ATRNL1: variants seen among roughly 807,000 people sequenced by gnomAD.
ATRNL1 encodes the protein attractin like 1.
In ATRNL1, 95 loss-of-function variants were observed where a neutral mutation model predicts 182.7. That is an observed-to-expected ratio of 0.52 (90% confidence interval 0.44 to 0.62). The LOEUF (loss-of-function observed/expected upper bound fraction) is 0.62. ATRNL1 is among the 20% of genes least tolerant of loss of function. ATRNL1 has a pLI of 0.00. For missense variants in ATRNL1, 1,471 were observed against 1,679.5 expected (o/e 0.88, Z 2.17); for synonymous variants, 576 against 568.3 (o/e 1.01, Z -0.19).
chr10:115,443,918 G>C (rs1443963895), intron 21 of ATRNL1, among the ~76,000 whole-genome samples: 3 of 151,926 alleles, frequency 2.0e-5, no homozygotes, highest in African/African-American at 7.3e-5. Flanking sequence ...CTTCCTATTT[G>C]AGTGTATGCA....
intron 21 of ATRNL1, among the ~76,000 whole-genome samples, chr10:115,447,881 C>G (rs1357276461): frequency 2.6e-5 from 4 of 151,996 alleles, no homozygotes; most frequent in Non-Finnish European, 5.9e-5. Context: ...TAATTTTCTT[C>G]CACTTCCTCA....
chr10:115,750,775 C>G (rs1948426654), intron 27 of ATRNL1, among the ~76,000 whole-genome samples: 1 of 151,734 alleles, frequency 6.6e-6, no homozygotes, highest in Non-Finnish European at 1.5e-5. Flanking sequence ...AAAAGAAGAC[C>G]AGCAACTCTA....
intron 1 of ATRNL1, among the ~76,000 whole-genome samples, chr10:115,097,337 G>A (rs2085038667): frequency 6.6e-6 from 1 of 152,228 alleles, no homozygotes; most frequent in Non-Finnish European, 1.5e-5. Context: ...TATTTTAAAA[G>A]TAGCTGGGCA....
At chr10:115,799,741 T>C (rs1949747348) in intron 27 of ATRNL1, among the ~76,000 whole-genome samples, 1 of 152,322 alleles carries the variant, frequency 6.6e-6, no homozygotes, top group South Asian at 2.1e-4. Context: ...AATCTCATAA[T>C]AACACAACCC....
At chr10:115,200,333 C>T (rs1389981365) in intron 8 of ATRNL1, among the ~76,000 whole-genome samples, 1 of 141,672 alleles carries the variant, frequency 7.1e-6, no homozygotes, top group Non-Finnish European at 1.5e-5. Flanking sequence ...CCCATTAACT[C>T]GTCATTTAGC....
chr10:115,337,482 C>A (rs544650232), intron 19 of ATRNL1, among the ~76,000 whole-genome samples: 1 of 152,178 alleles, frequency 6.6e-6, no homozygotes, highest in East Asian at 1.9e-4. Context: ...ACCCCCTGCC[C>A]TCCAGCCCTC....
chr10:115,518,338 T>C (rs1445073924), intron 24 of ATRNL1, among the ~76,000 whole-genome samples: 1 of 151,860 alleles, frequency 6.6e-6, no homozygotes, highest in African/African-American at 2.4e-5. Flanking sequence ...TTCTATTATG[T>C]TTTTGCAACA....
chr10:115,509,089 A>C (rs1304232753), intron 24 of ATRNL1, among the ~76,000 whole-genome samples: 1 of 151,978 alleles, frequency 6.6e-6, no homozygotes, highest in Non-Finnish European at 1.5e-5. Context: ...TATGCTAAAC[A>C]TGTTCTGCCT....
intron 8 of ATRNL1, among the ~76,000 whole-genome samples, chr10:115,210,698 G>A (rs1190839099): frequency 6.6e-6 from 1 of 151,300 alleles, no homozygotes; most frequent in African/African-American, 2.4e-5. Flanking sequence ...TAATTTTTAG[G>A]ATTCCTTTTT....
intron 19 of ATRNL1, among the ~76,000 whole-genome samples, chr10:115,376,731 A>G (rs1554949644): frequency 6.6e-6 from 1 of 151,996 alleles, no homozygotes; most frequent in African/African-American, 2.4e-5. Flanking sequence ...AGATTTTTTT[A>G]AGTTTGGAAA....
At chr10:115,740,224 T>A (rs1347060320) in intron 27 of ATRNL1, among the ~76,000 whole-genome samples, 3 of 152,118 alleles carry the variant, frequency 2.0e-5, no homozygotes, top group Non-Finnish European at 4.4e-5. Flanking sequence ...TTAATATAGA[T>A]TTTTTTTCAT....
In ATRNL1 at chr10:115,873,634, A is replaced by G. The variant is rs565263244; in HGVS notation, c.4018+25643A>G. 7.4e-4 allele frequency among the ~76,000 whole-genome samples: 113 copies of G among 152,340 alleles called. No individual in the cohort carries two copies. The Middle Eastern group carries it at 0.024, about 32-fold the overall frequency. Reference sequence around the variant, plus strand: ...GGGAGGAGTGAGGACCCTTTGGGCCAGAAGGAGAAGACACCTCGTTTCTCC... The same window carrying G: ...GGGAGGAGTGAGGACCCTTTGGGCCGGAAGGAGAAGACACCTCGTTTCTCC... On this transcript the variant is annotated intron_variant, in intron 28 of 28. Coordinates refer to ENST00000355044, the MANE Select transcript of ATRNL1 (RefSeq NM_207303.4).
chr10:115,400,927 T>A (rs1302799755), intron 20 of ATRNL1, among the ~76,000 whole-genome samples: 4 of 152,112 alleles, frequency 2.6e-5, no homozygotes, highest in Non-Finnish European at 4.4e-5. Context: ...ATTGGGGGCA[T>A]TTAACCCATT....
intron 26 of ATRNL1, among the ~76,000 whole-genome samples, chr10:115,587,082 G>A (rs1236959615): frequency 6.7e-6 from 1 of 149,418 alleles, no homozygotes; most frequent in Non-Finnish European, 1.5e-5. Flanking sequence ...CAGGGGTCAG[G>A]GATTCACTTG....
intron 8 of ATRNL1, among the ~76,000 whole-genome samples, chr10:115,194,699 T>C (rs1445014973): frequency 6.6e-6 from 1 of 151,952 alleles, no homozygotes; most frequent in African/African-American, 2.4e-5. Context: ...AATATTATTA[T>C]TGATTCGTAA....
intron 17 of ATRNL1, among the ~76,000 whole-genome samples, chr10:115,309,817 T>G (rs1191706114): frequency 1.3e-5 from 2 of 152,034 alleles, no homozygotes; most frequent in East Asian, 3.9e-4. Flanking sequence ...TTGACTTCCT[T>G]GTTTCCTATT....
intron 22 of ATRNL1, among the ~76,000 whole-genome samples, chr10:115,465,686 CCTT>C (rs1179371222): frequency 6.6e-6 from 1 of 151,262 alleles, no homozygotes; most frequent in Non-Finnish European, 1.5e-5. Context: ...AATATAATAG[CCTT>C]CTGATTTACT....
chr10:115,315,477 A>G, intron 17 of ATRNL1, 41 bp from the exon 18 acceptor site: 3 of 1,356,306 alleles, frequency 2.2e-6, no homozygotes, highest in Non-Finnish European at 3.1e-6. Context: ...GTTTGAATAT[A>G]TAGTCATGTT....
chr10:115,607,688 A>G (rs563473592), intron 26 of ATRNL1, among the ~76,000 whole-genome samples: 1 of 151,852 alleles, frequency 6.6e-6, no homozygotes, highest in Non-Finnish European at 1.5e-5. Context: ...TTATTTGTTC[A>G]TATTTATAGA....
Sources: gnomAD v4.1 joint callset for allele counts (sites outside exome capture counted in the v4.1 genomes callset) on GRCh38, gnomAD v4.1.1 for gene constraint, MANE v1.5 for transcripts, NCBI Gene and HGNC (gene_info 2026-07-23, HGNC 2026-07-21) for gene names.